The following SLIT1 variants were observed in gnomAD, a reference collection of about 807,000 sequenced individuals.
The protein encoded by SLIT1 is slit guidance ligand 1.
A neutral mutation model predicts 186.1 loss-of-function variants in SLIT1; 66 were observed. The observed-to-expected ratio is 0.35, with a 90% confidence interval of 0.29 to 0.44. The LOEUF (loss-of-function observed/expected upper bound fraction) is 0.44, where lower values mean the gene tolerates loss of function less well. SLIT1 is among the 20% of genes least tolerant of loss of function. The pLI is 1.00. For missense variants in SLIT1, 1,638 were observed against 2,037.4 expected, an observed-to-expected ratio of 0.80 and a Z score of 3.77; for synonymous variants, 761 against 833.8, an observed-to-expected ratio of 0.91 and a Z score of 1.50.
chr10:97,177,182 C>CA (rs1850267906), intron 1 of SLIT1, among the ~76,000 whole-genome samples: 2 of 152,198 alleles, frequency 1.3e-5, no homozygotes, highest in African/African-American at 4.8e-5. Context: ...GTCCCCCCAT[C>CA]TCTCTCTCCA....
chr10:97,151,565 T>G (rs1168577950), intron 4 of SLIT1, among the ~76,000 whole-genome samples: 1 of 141,666 alleles, frequency 7.1e-6, no homozygotes. Flanking sequence ...GATAACTAGG[T>G]GGATGGACAG....
intron 4 of SLIT1, among the ~76,000 whole-genome samples, chr10:97,138,479 C>T (rs562093494): frequency 3.3e-5 from 5 of 152,292 alleles, no homozygotes; most frequent in Admixed American, 2.6e-4. Context: ...GCCTTCCCTT[C>T]GGGATGACTG....
At chr10:97,005,613 C>T (rs1418064433) in intron 32 of SLIT1, among the ~76,000 whole-genome samples, 1 of 152,198 alleles carries the variant, frequency 6.6e-6, no homozygotes. Context: ...AAATCAATGT[C>T]TGGTAAAAGA....
rs142854942 is a variant in SLIT1 at position 97,176,808 on chromosome 10, A to G, written c.197+8670T>C. 3.9e-3 allele frequency among the ~76,000 whole-genome samples: 593 copies of G among 151,932 alleles called. 8 individuals carry two copies. Among genetic ancestry groups the G allele is most frequent in the African/African-American group, 0.014 (578 of 41,490 alleles). On this transcript the variant is annotated intron_variant, in intron 1 of 36. Transcript: ENST00000266058. Reference sequence around the variant, plus strand: ...TCCTCGGCCCAGGTTCAAATCCACAAACGTGTAGCCACTGCTCTCCACTGT... The same window carrying G: ...TCCTCGGCCCAGGTTCAAATCCACAGACGTGTAGCCACTGCTCTCCACTGT...
chr10:97,087,845 G>C (rs552735073), intron 4 of SLIT1, among the ~76,000 whole-genome samples: 86 of 152,206 alleles, frequency 5.7e-4, no homozygotes, highest in African/African-American at 1.9e-3. Context: ...ATCTTTCTTT[G>C]TTTGAGAACA....
intron 11 of SLIT1, 48 bp downstream of exon 11, chr10:97,059,412 T>G: frequency 6.6e-7 from 1 of 1,518,858 alleles, no homozygotes; most frequent in African/African-American, 1.4e-5. Context: ...GCCAGCCTCC[T>G]CAGGGGATGC....
chr10:97,093,927 C>T (rs1849259629), intron 4 of SLIT1, among the ~76,000 whole-genome samples: 3 of 152,198 alleles, frequency 2.0e-5, no homozygotes, highest in Admixed American at 6.5e-5. Flanking sequence ...CCACACTTTC[C>T]CTTAGGCTGG....
rs1292863751 is a variant in SLIT1, at chr10:97,000,826, C to G, written c.*286G>C. On this transcript the variant is annotated 3_prime_UTR_variant, in exon 37 of 37. Coordinates refer to ENST00000266058, the MANE Select transcript of SLIT1 (RefSeq NM_003061.3). ...ATCGTTCTGCACTTCTTGGCCTGAC[C>G]TCACGCACACATTCACTCAACAAAT... 2 of 442,580 alleles carry G rather than the reference C, an allele frequency of 4.5e-6. No individual in the cohort carries two copies. Among genetic ancestry groups the G allele is most frequent in the Non-Finnish European group, 8.2e-6 (2 of 242,776 alleles). The allele number at this position is 442,580 out of a possible 1,614,324, so 27.4% of individuals were successfully genotyped here.
intron 4 of SLIT1, among the ~76,000 whole-genome samples, chr10:97,098,590 C>T (rs1218754981): frequency 1.3e-5 from 2 of 152,218 alleles, no homozygotes; most frequent in Non-Finnish European, 2.9e-5. Flanking sequence ...GGTGCCTGGG[C>T]TGGGCAGGTG....
chr10:97,128,568 G>A (rs1345403389), intron 4 of SLIT1, among the ~76,000 whole-genome samples: 1 of 152,168 alleles, frequency 6.6e-6, no homozygotes, highest in Non-Finnish European at 1.5e-5. Flanking sequence ...CTCCTGCCCT[G>A]ATGCCCACAA....
rs1589361873 is a variant in SLIT1 at position 97,010,634 on chromosome 10, G to A, written c.3341+359C>T. On this transcript the variant is annotated intron_variant, in intron 31 of 36. Coordinates refer to ENST00000266058, the MANE Select transcript of SLIT1 (RefSeq NM_003061.3). The surrounding 1 kb of genome is among the most constrained non-coding windows in gnomAD (Gnocchi z 4.8). ...CATGGGACGTGGGTGGCCAGAGGGAGGGTGGGCCCTCCAACCTCCCAGGGG... is the reference window on the plus strand; with the variant it reads ...CATGGGACGTGGGTGGCCAGAGGGAAGGTGGGCCCTCCAACCTCCCAGGGG... Among the ~76,000 whole-genome samples the A allele has an allele frequency of 6.6e-6, 1 of 152,320 alleles. No individual in the cohort carries two copies. Among genetic ancestry groups the A allele is most frequent in the East Asian group, 1.9e-4 (1 of 5,182 alleles).
chr10:97,028,796 G>GT, intron 25 of SLIT1, among the ~76,000 whole-genome samples: 1 of 152,312 alleles, frequency 6.6e-6, no homozygotes, highest in East Asian at 1.9e-4. Flanking sequence ...AGGCAATAGA[G>GT]TAAAGAATAA....
At chr10:97,015,538 T>C (rs1003213678) in intron 28 of SLIT1, among the ~76,000 whole-genome samples, 17 of 152,314 alleles carry the variant, frequency 1.1e-4, no homozygotes, top group African/African-American at 3.8e-4. Context: ...CATTTATATC[T>C]ATAAAAACAA....
intron 4 of SLIT1, among the ~76,000 whole-genome samples, chr10:97,094,844 G>A (rs1849270465): frequency 6.6e-6 from 1 of 152,174 alleles, no homozygotes; most frequent in South Asian, 2.1e-4. Flanking sequence ...CTCCCCTTGG[G>A]TGGAAGGAAG....
At chr10:97,174,816 T>G (rs969461772) in intron 1 of SLIT1, among the ~76,000 whole-genome samples, 2 of 152,210 alleles carry the variant, frequency 1.3e-5, no homozygotes, top group Non-Finnish European at 2.9e-5. Context: ...GAGCAGGACT[T>G]GAGCTCTGGC....
chr10:97,002,686 C>A lies in SLIT1; in HGVS notation c.4154+18G>T. 1 of 1,543,138 alleles carries A rather than the reference C, an allele frequency of 6.5e-7. No homozygotes were observed. ...CAGGTAGGCAGGGGCAAGGGCTCCC[C>A]CAGTGCCCCAGGCTCACTTGTGGCC... is the stretch of plus-strand genomic sequence containing the variant. On this transcript the variant is annotated intron_variant, in intron 35 of 36. Transcript: ENST00000266058.
At chr10:97,035,329 C>T (rs1422584550) in intron 22 of SLIT1, among the ~76,000 whole-genome samples, 1 of 152,134 alleles carries the variant, frequency 6.6e-6, no homozygotes, top group African/African-American at 2.4e-5. Context: ...GCCCCCCTCC[C>T]CATGGCCCCA....
chr10:97,134,816 G>C (rs1344570889), intron 4 of SLIT1, among the ~76,000 whole-genome samples: 4 of 152,192 alleles, frequency 2.6e-5, no homozygotes, highest in Non-Finnish European at 4.4e-5. Flanking sequence ...CGTGGTTCTA[G>C]AGGAGAGATG....
intron 4 of SLIT1, among the ~76,000 whole-genome samples, chr10:97,143,996 A>G (rs1849791672): frequency 1.3e-5 from 2 of 152,138 alleles, no homozygotes; most frequent in Non-Finnish European, 2.9e-5. Flanking sequence ...TCAGGAGTTC[A>G]AGACCAGCCT....
Sources: gnomAD v4.1 joint callset for allele counts (sites outside exome capture counted in the v4.1 genomes callset) on GRCh38, gnomAD v4.1.1 for gene constraint, Gnocchi (gnomAD v3.1) non-coding constraint, MANE v1.5 for transcripts, NCBI Gene and HGNC (gene_info 2026-07-23, HGNC 2026-07-21) for gene names.